WASHC4: variants seen among roughly 807,000 people sequenced by gnomAD.
WASHC4 encodes WASH complex subunit 7.
A neutral mutation model predicts 166.6 loss-of-function variants in WASHC4; 86 were observed. That is an observed-to-expected ratio of 0.52 (90% CI 0.43 to 0.62). The LOEUF is 0.62. Ranked by LOEUF, WASHC4 falls within the 20% of genes least tolerant of loss-of-function variation. The pLI is 0.00. For missense variants in WASHC4, 1,262 were observed against 1,382.4 expected, an observed-to-expected ratio of 0.91 and a Z score of 1.38; for synonymous variants, 446 against 451.6, an observed-to-expected ratio of 0.99 and a Z score of 0.16.
Position 105,107,912 on chromosome 12 carries a change from C to G in WASHC4, c.61+51C>G, listed in dbSNP as rs936917700. 3 of 1,371,540 alleles carry G rather than the reference C, an allele frequency of 2.2e-6. No homozygotes were observed. The African/African-American group carries it at 4.3e-5, about 20-fold the overall frequency. The allele number at this position is 1,371,540 out of a possible 1,614,324, so 85.0% of individuals were successfully genotyped here. A position where few individuals can be genotyped will look rare whatever the true frequency, so the allele number is the denominator to read the frequency against. On this transcript the variant is annotated intron_variant, in intron 1 of 32. Transcript: ENST00000332180. ...GCGGGTGGACGCTCCTTCGGCCCGCCGCTGTTCTGGGCTGGGCAGCGCTCC... is the reference window on the plus strand; with the variant it reads ...GCGGGTGGACGCTCCTTCGGCCCGCGGCTGTTCTGGGCTGGGCAGCGCTCC...
chr12:105,108,644 C>T (rs1393432008), intron 1 of WASHC4, among the ~76,000 whole-genome samples: 1 of 152,154 alleles, frequency 6.6e-6, no homozygotes, highest in Non-Finnish European at 1.5e-5. Context: ...TGAAACTCTA[C>T]TTGAAATAAA....
intron 7 of WASHC4, among the ~76,000 whole-genome samples, 184 bp from the exon 8 acceptor site, chr12:105,120,371 G>A (rs1880614350): frequency 6.6e-6 from 1 of 152,162 alleles, no homozygotes; most frequent in African/African-American, 2.4e-5. Context: ...CATCCTAATA[G>A]TATGCACAAA....
rs549941609 is a variant in WASHC4 at position 105,167,743 on chromosome 12, T to A, written c.*812T>A. The A allele has an allele frequency of 2.6e-5, 4 of 152,680 alleles. No individual in the cohort carries two copies. The highest frequency in any genetic ancestry group is 9.6e-5 in the African/African-American group (4 of 41,582). The allele number at this position is 152,680 out of a possible 1,614,324, so 9.5% of individuals were successfully genotyped here. A position where few individuals can be genotyped will look rare whatever the true frequency, so the allele number is the denominator to read the frequency against. ...TTATTTCTACATCCAAACTCAGGTTTCTTCTACATTAGATTGAATTGAAAT... is the reference window on the plus strand; with the variant it reads ...TTATTTCTACATCCAAACTCAGGTTACTTCTACATTAGATTGAATTGAAAT... On this transcript the variant is annotated 3_prime_UTR_variant, in exon 33 of 33. Coordinates refer to ENST00000332180, the MANE Select transcript of WASHC4 (RefSeq NM_015275.3).
At chr12:105,151,534 T>A (rs983924319) in intron 25 of WASHC4, among the ~76,000 whole-genome samples, 2 of 151,702 alleles carry the variant, frequency 1.3e-5, no homozygotes, top group Admixed American at 1.3e-4. Flanking sequence ...CAGGCTGGAG[T>A]GCAGTGGCAC....
At chr12:105,122,986 A>G (rs754787211) in intron 10 of WASHC4, among the ~76,000 whole-genome samples, 2 of 152,194 alleles carry the variant, frequency 1.3e-5, no homozygotes, top group Non-Finnish European at 2.9e-5. Context: ...ATCAAAAGCT[A>G]GACATGGTTA....
Position 105,162,981 on chromosome 12 carries a change from C to CA in WASHC4, c.3157+137dup, listed in dbSNP as rs1884597151. ...TTTTTTCTTTTTTATTTTTTTGAGA[C>CA]AGAGTCTCGTCTCGCTCTGTTGCCC... is the stretch of plus-strand genomic sequence containing the variant. On this transcript the variant is annotated intron_variant, in intron 30 of 32. Coordinates refer to ENST00000332180, the MANE Select transcript of WASHC4 (RefSeq NM_015275.3). 5.5e-6 allele frequency: 3 copies of CA among 545,596 alleles called. No homozygotes were observed. In the Admixed American group the frequency reaches 9.6e-5, roughly 17 times the overall value. The allele number at this position is 545,596 out of a possible 1,614,324, so 33.8% of individuals were successfully genotyped here.
intron 24 of WASHC4, chr12:105,148,067 A>T: frequency 1.0e-6 from 1 of 985,392 alleles, no homozygotes; most frequent in African/African-American, 1.7e-5. Context: ...TGAATGCTTA[A>T]GTAGTACAGT....
At chr12:105,150,298 A>G (rs1280230252) in intron 25 of WASHC4, among the ~76,000 whole-genome samples, 1 of 152,174 alleles carries the variant, frequency 6.6e-6, no homozygotes, top group Non-Finnish European at 1.5e-5. Context: ...AGGTTTTTCT[A>G]ATTTTTCATT....
intron 6 of WASHC4, 56 bp from the exon 7 acceptor site, chr12:105,118,390 A>C: frequency 8.1e-7 from 1 of 1,234,964 alleles, no homozygotes; most frequent in Non-Finnish European, 1.2e-6. Flanking sequence ...AATTCAGTAA[A>C]AAATGGTGAG....
rs1334224282 is a variant in WASHC4, at chr12:105,146,491, T to G, written c.2374T>G (p.Phe792Val). 1 of 1,604,918 alleles carries G rather than the reference T, an allele frequency of 6.2e-7. No individual in the cohort carries two copies. The highest frequency in any genetic ancestry group is 8.5e-7 in the Non-Finnish European group (1 of 1,172,162). ...AGAAATTATGAGAAACATTCATATATTTGTGTCCCGATACCTCTATAATCT... is the reference window on the plus strand; with the variant it reads ...AGAAATTATGAGAAACATTCATATAGTTGTGTCCCGATACCTCTATAATCT... ...VLEIMRNIHI[F>V]VSRYLYNLNN... Residue 792 changes from phenylalanine to valine, a missense_variant, in exon 23 of 33, where the codon TTT (phenylalanine) becomes GTT (valine). Phe to Val is a conservative substitution (Grantham distance 50, BLOSUM62 -1). Transcript: ENST00000332180.
intron 13 of WASHC4, among the ~76,000 whole-genome samples, chr12:105,130,965 C>G (rs1319166845): frequency 6.6e-6 from 1 of 152,140 alleles, no homozygotes; most frequent in Non-Finnish European, 1.5e-5. Flanking sequence ...CCTGTTTGTA[C>G]TTTGAAATGC....
chr12:105,167,031 C>G lies in WASHC4; in HGVS notation c.*100C>G. Reference sequence around the variant, plus strand: ...TATTGATGAATTGTTTCCTGGGTCACATCTCTGGAAAATAGATGTTACAGT... The same window carrying G: ...TATTGATGAATTGTTTCCTGGGTCAGATCTCTGGAAAATAGATGTTACAGT... On this transcript the variant is annotated 3_prime_UTR_variant, in exon 33 of 33. Coordinates refer to ENST00000332180, the MANE Select transcript of WASHC4 (RefSeq NM_015275.3). 1 of 820,850 alleles carries G rather than the reference C, an allele frequency of 1.2e-6. No individual in the cohort carries two copies. The highest frequency in any genetic ancestry group is 2.1e-6 in the Non-Finnish European group (1 of 475,006). The allele number at this position is 820,850 out of a possible 1,614,324, so 50.8% of individuals were successfully genotyped here.
At chr12:105,158,066 T>TA (rs779385229) in intron 28 of WASHC4, among the ~76,000 whole-genome samples, 1 of 151,854 alleles carries the variant, frequency 6.6e-6, no homozygotes, top group Non-Finnish European at 1.5e-5. Context: ...ATCTGTTGAA[T>TA]AAAAAAAATC....
chr12:105,121,199 C>T lies in WASHC4; in HGVS notation c.660C>T (p.Tyr220=). The T allele has an allele frequency of 6.6e-7, 1 of 1,511,602 alleles. No individual in the cohort carries two copies. The highest frequency in any genetic ancestry group is 9.2e-7 in the Non-Finnish European group (1 of 1,087,822). 93.6% of individuals were successfully genotyped at this position (1,511,602 alleles called of 1,614,324 possible). The part of the protein sequence containing the change: ...HITLKDHWTM[Y]KRLLKSVHHN... Reference sequence around the variant, plus strand: ...CACTGAAAGACCACTGGACTATGTACAAAAGGTACACCAATTAAAATATTT... The same window carrying T: ...CACTGAAAGACCACTGGACTATGTATAAAAGGTACACCAATTAAAATATTT... Residue 220 remains tyrosine, a synonymous_variant, in exon 9 of 33, where the codon TAC becomes TAT. Transcript: ENST00000332180.
chr12:105,116,416 T>G (rs761222938), intron 6 of WASHC4, among the ~76,000 whole-genome samples: 33 of 152,160 alleles, frequency 2.2e-4, no homozygotes, highest in Non-Finnish European at 4.1e-4. Context: ...ATTGAGAGCA[T>G]TTTGTTCATA....
At chr12:105,143,056 A>G (rs1327777391) in intron 19 of WASHC4, 71 bp from the exon 20 acceptor site, 20 of 898,586 alleles carry the variant, frequency 2.2e-5, no homozygotes, top group Admixed American at 1.1e-4. Flanking sequence ...AAGATAATTA[A>G]CTTTTGCAGT....
chr12:105,143,294 GT>G, intron 20 of WASHC4, 51 bp downstream of exon 20: 1 of 1,090,552 alleles, frequency 9.2e-7, no homozygotes, highest in South Asian at 1.3e-5. Flanking sequence ...GGAATGTAGT[GT>G]TTGGAAAAAA....
rs1566019179 is a variant in WASHC4, at chr12:105,144,855, A to C, written c.2317A>C (p.Ser773Arg). ...GGTTATGACAGAGGCACATCTTCCC[A>C]GTCAGACTTTGGAACAGGTATAGTA... is the stretch of plus-strand genomic sequence containing the variant. ...GLVMTEAHLPSQTLEQGLDVL... is the reference protein window; with the variant it reads ...GLVMTEAHLPRQTLEQGLDVL... Residue 773 changes from serine to arginine, a missense_variant, in exon 22 of 33, where the codon AGT becomes CGT. Coordinates refer to ENST00000332180, the MANE Select transcript of WASHC4 (RefSeq NM_015275.3). The C allele has an allele frequency of 6.2e-7, 1 of 1,613,040 alleles. No homozygotes were observed. Among genetic ancestry groups the C allele is most frequent in the South Asian group, 1.1e-5 (1 of 91,026 alleles).
chr12:105,109,386 T>C (rs1397791030), intron 1 of WASHC4, among the ~76,000 whole-genome samples: 2 of 152,170 alleles, frequency 1.3e-5, no homozygotes, highest in African/African-American at 4.8e-5. Context: ...CTGTGCTAGA[T>C]ATTAGGGATA....
Sources: gnomAD v4.1 joint callset for allele counts (sites outside exome capture counted in the v4.1 genomes callset) on GRCh38, gnomAD v4.1.1 for gene constraint, MANE v1.5 for transcripts, NCBI Gene and HGNC (gene_info 2026-07-23, HGNC 2026-07-21) for gene names.